Variants in PRKN observed in about 807,000 individuals in gnomAD.
PRKN encodes the protein parkin RBR E3 ubiquitin protein ligase.
PRKN carries 56 observed loss-of-function variants against 59.5 expected under a neutral mutation model. That is an observed-to-expected ratio of 0.94 (90% CI 0.76 to 1.18). The LOEUF is 1.18. PRKN is among the 50% of genes most tolerant of loss of function. The probability of loss-of-function intolerance (pLI) is 0.00; values close to 1 mark genes in which losing one functional copy is unlikely to be tolerated. For missense variants in PRKN, 657 were observed against 596.4 expected (o/e 1.10, Z -1.06); for synonymous variants, 250 against 222.1 (o/e 1.13, Z -1.12).
intron 1 of PRKN, among the ~76,000 whole-genome samples, chr6:162,577,567 T>C (rs1780612006): frequency 6.6e-6 from 1 of 151,196 alleles, no homozygotes; most frequent in South Asian, 2.1e-4. Context: ...ACCATGGCAC[T>C]CCAGCCTAGG....
chr6:161,767,460 T>C (rs1019791658), intron 7 of PRKN, among the ~76,000 whole-genome samples: 37 of 149,564 alleles, frequency 2.5e-4, no homozygotes, highest in African/African-American at 8.9e-4. Flanking sequence ...GAGCTTGCAG[T>C]GAGCCAAGAT....
intron 1 of PRKN, among the ~76,000 whole-genome samples, chr6:162,670,742 G>C (rs1396426981): frequency 6.6e-6 from 1 of 152,064 alleles, no homozygotes; most frequent in Non-Finnish European, 1.5e-5. Context: ...TTAAAACTAA[G>C]GGGAAAAATG....
rs192979006 is a variant in PRKN at position 161,797,939 on chromosome 6, T to C, written c.735-12031A>G. On this transcript the variant is annotated intron_variant, in intron 6 of 11. Transcript: ENST00000366898. ...ATTCAGAGCCAGGCGCAGTGGCTCATGCCTGTAATCCCAGCACTTTGGGAG... is the reference window on the plus strand; with the variant it reads ...ATTCAGAGCCAGGCGCAGTGGCTCACGCCTGTAATCCCAGCACTTTGGGAG... 6.8e-3 allele frequency among the ~76,000 whole-genome samples: 1,042 copies of C among 152,264 alleles called. 14 individuals are homozygous for C. Among genetic ancestry groups the C allele is most frequent in the African/African-American group, 0.024 (984 of 41,560 alleles).
intron 1 of PRKN, among the ~76,000 whole-genome samples, chr6:162,520,631 G>C (rs903005599): frequency 6.6e-6 from 1 of 152,126 alleles, no homozygotes; most frequent in African/African-American, 2.4e-5. Flanking sequence ...ACAAAGATGG[G>C]CAAGAGAGAC....
intron 7 of PRKN, among the ~76,000 whole-genome samples, chr6:161,785,043 A>T (rs1001997115): frequency 6.6e-6 from 1 of 152,204 alleles, no homozygotes; most frequent in African/African-American, 2.4e-5. Context: ...TTTTATAGGA[A>T]ATACCTACAA....
At chr6:162,719,184 T>C (rs1778840547) in intron 1 of PRKN, among the ~76,000 whole-genome samples, 1 of 152,188 alleles carries the variant, frequency 6.6e-6, no homozygotes, top group African/African-American at 2.4e-5. Flanking sequence ...ATCCTATGAA[T>C]TCAGACATAT....
chr6:161,632,183 T>A (rs1783339647), intron 7 of PRKN, among the ~76,000 whole-genome samples: 1 of 152,138 alleles, frequency 6.6e-6, no homozygotes, highest in Admixed American at 6.5e-5. Flanking sequence ...TTTTTTCAAA[T>A]TTTCTTTTTA....
intron 2 of PRKN, among the ~76,000 whole-genome samples, chr6:162,417,219 C>T (rs1019692880): frequency 6.6e-6 from 1 of 152,182 alleles, no homozygotes; most frequent in Non-Finnish European, 1.5e-5. Flanking sequence ...AGTAAAAAGT[C>T]GTGACTTTTT....
intron 1 of PRKN, among the ~76,000 whole-genome samples, chr6:162,607,552 T>TA (rs55715280): frequency 0.17 from 25,815 of 151,620 alleles, 2,815 homozygotes; most frequent in East Asian, 0.49. Flanking sequence ...GTTTTTTTTT[T>TA]TAATGGGGGA....
At chr6:161,500,929 G>A (rs746567765) in intron 9 of PRKN, among the ~76,000 whole-genome samples, 1 of 141,402 alleles carries the variant, frequency 7.1e-6, no homozygotes, top group Non-Finnish European at 1.5e-5. Context: ...GGGCTGGAGT[G>A]CAATGGCGCA....
rs563070515 is a variant in PRKN, at chr6:162,444,285, C to T, written c.8-812G>A. ...AGCCCCCAACTGGAGTCTTGATCCA[C>T]GCCATCACCTCCAAAAGGCCCTACA... On this transcript the variant is annotated intron_variant, in intron 1 of 11. Transcript: ENST00000366898. 7.9e-5 allele frequency among the ~76,000 whole-genome samples: 12 copies of T among 152,160 alleles called. No individual in the cohort carries two copies. In the East Asian group the frequency reaches 1.5e-3, roughly 20 times the overall value.
At chr6:162,285,635 T>C (rs957649791) in intron 2 of PRKN, among the ~76,000 whole-genome samples, 2 of 152,198 alleles carry the variant, frequency 1.3e-5, no homozygotes, top group African/African-American at 2.4e-5. Context: ...TCTTACATAT[T>C]ATTTGTAATC....
At chr6:161,687,472 A>G (rs543742722) in intron 7 of PRKN, among the ~76,000 whole-genome samples, 44 of 144,828 alleles carry the variant, frequency 3.0e-4, no homozygotes, top group African/African-American at 1.1e-3. Context: ...AAAAAAATGT[A>G]TGTTTTGAGA....
chr6:161,686,230 G>T (rs1281464813), intron 7 of PRKN, among the ~76,000 whole-genome samples: 1 of 152,102 alleles, frequency 6.6e-6, no homozygotes, highest in Non-Finnish European at 1.5e-5. Context: ...TTCAGCCATG[G>T]TTCTCCATTT....
At chr6:161,820,262 G>A (rs1791967293) in intron 6 of PRKN, among the ~76,000 whole-genome samples, 1 of 151,742 alleles carries the variant, frequency 6.6e-6, no homozygotes, top group South Asian at 2.1e-4. Flanking sequence ...TTGCTAGTGG[G>A]AATATAAATT....
At chr6:162,664,913 T>C (rs749744568) in intron 1 of PRKN, among the ~76,000 whole-genome samples, 1 of 152,130 alleles carries the variant, frequency 6.6e-6, no homozygotes, top group East Asian at 1.9e-4. Flanking sequence ...AATCTGGCTT[T>C]TGTTGCAATT....
At chr6:162,314,627 G>C (rs934956486) in intron 2 of PRKN, among the ~76,000 whole-genome samples, 2 of 152,092 alleles carry the variant, frequency 1.3e-5, no homozygotes, top group Non-Finnish European at 2.9e-5. Flanking sequence ...GTCCTCTTGT[G>C]GTCACATTAG....
In PRKN at chr6:161,584,902, G is replaced by A. The variant is rs1781468462; in HGVS notation, c.872-15486C>T. Among the ~76,000 whole-genome samples the A allele has an allele frequency of 6.6e-6, 1 of 152,176 alleles. No individual in the cohort carries two copies. Among genetic ancestry groups the A allele is most frequent in the Non-Finnish European group, 1.5e-5 (1 of 68,038 alleles). The stretch of plus-strand genomic sequence containing the variant: ...ACAGCACAAGCCTGGCTGCCGGGAT[G>A]GCTGTATTAGCAATGCAGTGCTATT... On this transcript the variant is annotated intron_variant, in intron 7 of 11. Transcript: ENST00000366898. This position sits in a 1 kb window ranked among gnomAD's most constrained non-coding sequence, Gnocchi z 4.8.
chr6:161,965,904 G>A (rs1489267803), intron 6 of PRKN, among the ~76,000 whole-genome samples: 1 of 152,022 alleles, frequency 6.6e-6, no homozygotes, highest in African/African-American at 2.4e-5. Context: ...GACAATAGAG[G>A]ACAAATGTCT....
Sources: allele counts gnomAD v4.1 joint callset (sites outside exome capture counted in the v4.1 genomes callset), GRCh38; gene constraint gnomAD v4.1.1; non-coding constraint Gnocchi (gnomAD v3.1); transcripts MANE v1.5; gene names NCBI Gene and HGNC (gene_info 2026-07-23, HGNC 2026-07-21).